The following PAK5 variants were observed in gnomAD, a reference collection of about 807,000 sequenced individuals.
PAK5 encodes the protein serine/threonine-protein kinase PAK 5.
Under a neutral mutation model 65.9 loss-of-function variants are expected in PAK5, and 16 were observed. That is an observed-to-expected ratio of 0.24 (90% CI 0.16 to 0.37). The LOEUF (loss-of-function observed/expected upper bound fraction) is 0.37. Among genes scored for constraint, PAK5 ranks in the 10% least tolerant of loss-of-function variants. PAK5 has a pLI of 1.00. For synonymous variants in PAK5, 371 were observed against 354.9 expected, an observed-to-expected ratio of 1.05 and a Z score of -0.51; for missense variants, 785 against 903.9, an observed-to-expected ratio of 0.87 and a Z score of 1.69.
intron 3 of PAK5, among the ~76,000 whole-genome samples, chr20:9,586,826 C>T (rs2046078293): frequency 6.6e-6 from 1 of 152,038 alleles, no homozygotes; most frequent in Non-Finnish European, 1.5e-5. Context: ...ATTAATACTG[C>T]TATAAGCTAA....
chr20:9,720,855 T>C (rs1016354946), intron 1 of PAK5, among the ~76,000 whole-genome samples: 2 of 151,964 alleles, frequency 1.3e-5, no homozygotes, highest in Non-Finnish European at 2.9e-5. Context: ...GCACAAAAAG[T>C]CAAATATTTT....
At chr20:9,651,567 A>T (rs1315785431) in intron 2 of PAK5, among the ~76,000 whole-genome samples, 1 of 152,240 alleles carries the variant, frequency 6.6e-6, no homozygotes, top group Admixed American at 6.5e-5. Context: ...GTCACACGAA[A>T]GTGTGAATGT....
intron 1 of PAK5, among the ~76,000 whole-genome samples, chr20:9,774,069 G>A (rs903448994): frequency 4.6e-5 from 7 of 152,296 alleles, no homozygotes; most frequent in Non-Finnish European, 1.0e-4. Context: ...GGTCAGACCC[G>A]CTTACTATGG....
chr20:9,810,376 C>T (rs1359734198), intron 1 of PAK5, among the ~76,000 whole-genome samples: 3 of 152,068 alleles, frequency 2.0e-5, no homozygotes, highest in Non-Finnish European at 4.4e-5. Flanking sequence ...AGTTTGAGAA[C>T]AGCCTGGGAA....
chr20:9,604,200 T>C (rs575230173), intron 3 of PAK5, among the ~76,000 whole-genome samples: 2 of 152,352 alleles, frequency 1.3e-5, no homozygotes, highest in East Asian at 3.9e-4. Context: ...CCCTGGGCTC[T>C]TCTGTGGAAC....
intron 1 of PAK5, among the ~76,000 whole-genome samples, chr20:9,810,365 G>A (rs1158849540): frequency 6.6e-6 from 1 of 152,160 alleles, no homozygotes; most frequent in African/African-American, 2.4e-5. Flanking sequence ...TTGAGCCCAG[G>A]AGTTTGAGAA....
intron 1 of PAK5, among the ~76,000 whole-genome samples, chr20:9,725,970 A>G (rs1404760224): frequency 6.6e-6 from 1 of 152,194 alleles, no homozygotes; most frequent in East Asian, 1.9e-4. Flanking sequence ...ATCCTAGAGG[A>G]AAGGCTGTGT....
rs1449976785 is a variant in PAK5, at chr20:9,544,446, G to A, written c.1792C>T (p.Pro598Ser). 3.1e-6 allele frequency: 5 copies of A among 1,613,634 alleles called. No individual in the cohort carries two copies. The African/African-American group carries it at 5.3e-5, about 17-fold the overall frequency. Reference sequence around the variant, plus strand: ...GTGCCAACCAATGATTTCCTCTTCGGCACCTCTTTGGAAACTTGAGCACAG... The same window carrying A: ...GTGCCAACCAATGATTTCCTCTTCGACACCTCTTTGGAAACTTGAGCACAG... ...GFCAQVSKEV[P>S]KRKSLVGTPY... The change falls in exon 8 of 10, where the codon CCG becomes TCG. Residue 598 changes from proline (P) to serine (S), a missense_variant. By Grantham distance (74) the Pro-to-Ser change is moderately conservative (BLOSUM62 -1). This residue lies in a region of PAK5 where 182 missense variants were observed against 273.0 expected (regional missense o/e 0.67). Transcript: ENST00000353224.
intron 1 of PAK5, among the ~76,000 whole-genome samples, chr20:9,778,534 G>A (rs2048909395): frequency 6.6e-6 from 1 of 152,184 alleles, no homozygotes; most frequent in African/African-American, 2.4e-5. Flanking sequence ...CACCACGACA[G>A]GCCAATACTT....
chr20:9,785,903 A>T (rs2048987653), intron 1 of PAK5, among the ~76,000 whole-genome samples: 1 of 152,116 alleles, frequency 6.6e-6, no homozygotes. Flanking sequence ...GTAGTGTCCT[A>T]GAATAGACTG....
At chr20:9,629,930 T>C (rs1429754758) in intron 3 of PAK5, among the ~76,000 whole-genome samples, 1 of 152,078 alleles carries the variant, frequency 6.6e-6, no homozygotes, top group Non-Finnish European at 1.5e-5. Flanking sequence ...GGCTCAGAAG[T>C]GAGGAACACT....
At chr20:9,751,375 TG>T (rs981321767) in intron 1 of PAK5, among the ~76,000 whole-genome samples, 28 of 152,294 alleles carry the variant, frequency 1.8e-4, no homozygotes, top group African/African-American at 6.5e-4. Context: ...ACAATACAAC[TG>T]TCTTTGAAAC....
chr20:9,627,474 T>C (rs2046860789), intron 3 of PAK5, among the ~76,000 whole-genome samples: 1 of 152,162 alleles, frequency 6.6e-6, no homozygotes, highest in African/African-American at 2.4e-5. Flanking sequence ...TCCTGCTTCA[T>C]GGTAGGAGCA....
At chr20:9,802,164 T>C (rs2049176975) in intron 1 of PAK5, among the ~76,000 whole-genome samples, 1 of 152,188 alleles carries the variant, frequency 6.6e-6, no homozygotes, top group Non-Finnish European at 1.5e-5. Flanking sequence ...TTCTGGGTTG[T>C]GCATTTGTGG....
At chr20:9,570,552 G>A in intron 4 of PAK5, among the ~76,000 whole-genome samples, 1 of 152,190 alleles carries the variant, frequency 6.6e-6, no homozygotes, top group Non-Finnish European at 1.5e-5. Context: ...AGAAGTGTCA[G>A]TGTAAGTTAA....
chr20:9,710,119 TA>T (rs2048060329), intron 2 of PAK5, among the ~76,000 whole-genome samples: 3 of 152,142 alleles, frequency 2.0e-5, no homozygotes. Context: ...CACTAGTCCT[TA>T]AAAAACTCTT....
chr20:9,810,095 C>A (rs2049280741), intron 1 of PAK5, among the ~76,000 whole-genome samples: 1 of 152,150 alleles, frequency 6.6e-6, no homozygotes, highest in Non-Finnish European at 1.5e-5. Flanking sequence ...CACTTCCAGG[C>A]TCCTTCCACC....
At position 9,566,130 on chromosome 20, in the gene PAK5, G is replaced by T; in HGVS notation, c.1245C>A (p.Ser415Arg). 6.2e-7 allele frequency: 1 copy of T among 1,613,926 alleles called. No individual in the cohort carries two copies. The highest frequency in any genetic ancestry group is 8.5e-7 in the Non-Finnish European group (1 of 1,179,922). Residue 415 changes from serine (S) to arginine (R), a missense_variant, in exon 5 of 10, where the codon AGC becomes AGA. Physicochemically the swap from Ser to Arg is moderately radical, Grantham distance 110. Coordinates refer to ENST00000353224, the MANE Select transcript of PAK5 (RefSeq NM_177990.4). ...SLSSSTYPPP[S>R]WGSSSDQQPS... is the part of the protein sequence containing the mutation. The stretch of plus-strand genomic sequence containing the variant: ...GCTGCTGGTCGGAGGAGGAGCCCCA[G>T]CTGGGCGGCGGGTAGGTGCTGGATG...
At chr20:9,711,959 C>T (rs1413641637) in intron 1 of PAK5, among the ~76,000 whole-genome samples, 1 of 152,160 alleles carries the variant, frequency 6.6e-6, no homozygotes, top group Non-Finnish European at 1.5e-5. Context: ...CAATACATAA[C>T]TTTGTTTTAT....
Sources: gnomAD v4.1 joint callset for allele counts (sites outside exome capture counted in the v4.1 genomes callset) on GRCh38, gnomAD v4.1.1 for gene constraint, gnomAD v4.1.1 regional missense constraint, MANE v1.5 for transcripts, NCBI Gene and HGNC (gene_info 2026-07-23, HGNC 2026-07-21) for gene names.